BRINP3: variants seen among roughly 807,000 people sequenced by gnomAD.
The protein encoded by BRINP3 is BMP/retinoic acid-inducible neural-specific protein 3.
In BRINP3, 19 loss-of-function variants were observed where a neutral mutation model predicts 71.0. The observed-to-expected ratio is 0.27, with a 90% CI of 0.19 to 0.39. BRINP3 has a LOEUF of 0.39. Among genes scored for constraint, BRINP3 ranks in the 10% least tolerant of loss-of-function variants. The probability of loss-of-function intolerance (pLI) is 1.00; values close to 1 mark genes in which losing one functional copy is unlikely to be tolerated. For synonymous variants in BRINP3, 380 were observed against 337.7 expected (o/e 1.13, Z -1.37); for missense variants, 959 against 940.8 (o/e 1.02, Z -0.25).
intron 6 of BRINP3, among the ~76,000 whole-genome samples, chr1:190,203,568 T>C (rs1332698637): frequency 6.7e-6 from 1 of 149,480 alleles, no homozygotes; most frequent in Non-Finnish European, 1.5e-5. Flanking sequence ...TTCACATACC[T>C]TCTAGAATGT....
intron 3 of BRINP3, among the ~76,000 whole-genome samples, chr1:190,271,332 C>T (rs1409524859): frequency 6.6e-6 from 1 of 151,574 alleles, no homozygotes; most frequent in Non-Finnish European, 1.5e-5. Context: ...TTGAACAACA[C>T]ATCTTAGGAC....
rs368432539 is a variant in BRINP3 at position 190,412,983 on chromosome 1, A to G, written c.236+41672T>C. 1.8e-4 allele frequency among the ~76,000 whole-genome samples: 28 copies of G among 152,338 alleles called. No homozygotes were observed. The South Asian group carries it at 5.8e-3, about 32-fold the overall frequency. ...ATTTTACTGATAAAAATTAAATGAAATATTTTGCTTCATCACATTAATAAA... is the reference window on the plus strand; with the variant it reads ...ATTTTACTGATAAAAATTAAATGAAGTATTTTGCTTCATCACATTAATAAA... On this transcript the variant is annotated intron_variant, in intron 2 of 7. Coordinates refer to ENST00000367462, the MANE Select transcript of BRINP3 (RefSeq NM_199051.3).
At chr1:190,290,743 G>A (rs932441712) in intron 2 of BRINP3, among the ~76,000 whole-genome samples, 2 of 152,076 alleles carry the variant, frequency 1.3e-5, no homozygotes, top group Non-Finnish European at 2.9e-5. Flanking sequence ...AGAGAAGATT[G>A]TTAGAAATAA....
intron 7 of BRINP3, among the ~76,000 whole-genome samples, chr1:190,141,347 T>C (rs1427866380): frequency 1.3e-5 from 2 of 152,022 alleles, no homozygotes; most frequent in Admixed American, 1.3e-4. Flanking sequence ...GTAGTAAAGA[T>C]AATTTTATGC....
chr1:190,393,995 C>T (rs187472577), intron 2 of BRINP3, among the ~76,000 whole-genome samples: 139 of 151,626 alleles, frequency 9.2e-4, no homozygotes, highest in African/African-American at 3.3e-3. Context: ...AAATTACAAA[C>T]TTCCAAGTAT....
intron 3 of BRINP3, among the ~76,000 whole-genome samples, chr1:190,275,104 A>T (rs1292526861): frequency 6.6e-6 from 1 of 151,606 alleles, no homozygotes; most frequent in Non-Finnish European, 1.5e-5. Context: ...AGGTACCATG[A>T]TACTCTCGAT....
intron 2 of BRINP3, among the ~76,000 whole-genome samples, chr1:190,303,045 T>A (rs757870902): frequency 5.9e-5 from 9 of 151,776 alleles, no homozygotes; most frequent in Non-Finnish European, 1.2e-4. Flanking sequence ...TGGGGGATGC[T>A]AAGGCCTTAT....
At chr1:190,347,659 A>G (rs1278231273) in intron 2 of BRINP3, among the ~76,000 whole-genome samples, 2 of 152,134 alleles carry the variant, frequency 1.3e-5, no homozygotes, top group Non-Finnish European at 2.9e-5. Flanking sequence ...AATTGGCAGA[A>G]AATATAGTGA....
At chr1:190,148,185 C>T (rs1000000976) in intron 7 of BRINP3, among the ~76,000 whole-genome samples, 1 of 152,004 alleles carries the variant, frequency 6.6e-6, no homozygotes, top group Non-Finnish European at 1.5e-5. Context: ...AAGAAAAGCT[C>T]TCTCTCTCTT....
chr1:190,379,502 T>C (rs1044835145), intron 2 of BRINP3, among the ~76,000 whole-genome samples: 5 of 152,040 alleles, frequency 3.3e-5, no homozygotes, highest in African/African-American at 1.2e-4. Context: ...ATGCTGACAT[T>C]TGAGGGCTGA....
intron 7 of BRINP3, among the ~76,000 whole-genome samples, chr1:190,099,880 G>T (rs890509099): frequency 6.6e-6 from 1 of 152,008 alleles, no homozygotes; most frequent in Admixed American, 6.6e-5. Flanking sequence ...TTCTCATCAG[G>T]TTAATCATGA....
intron 7 of BRINP3, among the ~76,000 whole-genome samples, chr1:190,113,689 A>G (rs1461267987): frequency 6.6e-6 from 1 of 152,234 alleles, no homozygotes; most frequent in Non-Finnish European, 1.5e-5. Context: ...ATAGCAAATT[A>G]CTCAAGTCCT....
At chr1:190,134,437 A>G (rs1367403049) in intron 7 of BRINP3, among the ~76,000 whole-genome samples, 1 of 152,032 alleles carries the variant, frequency 6.6e-6, no homozygotes, top group Non-Finnish European at 1.5e-5. Flanking sequence ...ATCAGGGTAG[A>G]AAAAAATAGG....
chr1:190,411,985 C>CTTT (rs918158047), intron 2 of BRINP3, among the ~76,000 whole-genome samples: 3 of 152,136 alleles, frequency 2.0e-5, no homozygotes, highest in Non-Finnish European at 4.4e-5. Flanking sequence ...CAGCATCCTC[C>CTTT]TTTCCTACCA....
intron 4 of BRINP3, among the ~76,000 whole-genome samples, chr1:190,240,903 A>G (rs1659019759): frequency 1.5e-5 from 2 of 137,480 alleles, no homozygotes; most frequent in Non-Finnish European, 3.2e-5. Context: ...AAAAAAAACC[A>G]CCCTCAAGGT....
At chr1:190,102,528 T>C (rs1277714116) in intron 7 of BRINP3, among the ~76,000 whole-genome samples, 1 of 152,128 alleles carries the variant, frequency 6.6e-6, no homozygotes, top group Admixed American at 6.6e-5. Context: ...AGGTCTTCTG[T>C]TGTTTTTTAT....
At chr1:190,466,621 G>A (rs914806425) in intron 1 of BRINP3, among the ~76,000 whole-genome samples, 8 of 151,626 alleles carry the variant, frequency 5.3e-5, no homozygotes, top group Non-Finnish European at 1.0e-4. Flanking sequence ...ACCGAGGAAT[G>A]TGTGTTACAA....
At chr1:190,264,318 T>A (rs1211613523) in intron 4 of BRINP3, among the ~76,000 whole-genome samples, 2 of 152,168 alleles carry the variant, frequency 1.3e-5, no homozygotes, top group Non-Finnish European at 2.9e-5. Flanking sequence ...ATAATATTAA[T>A]CCACCAATTC....
chr1:190,362,567 T>C (rs1045987808), intron 2 of BRINP3, among the ~76,000 whole-genome samples: 4 of 152,218 alleles, frequency 2.6e-5, no homozygotes, highest in Non-Finnish European at 4.4e-5. Flanking sequence ...TAATGTGGTT[T>C]GGCTGGGTCC....
Sources: allele counts gnomAD v4.1 joint callset (sites outside exome capture counted in the v4.1 genomes callset), GRCh38; gene constraint gnomAD v4.1.1; transcripts MANE v1.5; gene names NCBI Gene and HGNC (gene_info 2026-07-23, HGNC 2026-07-21).